Variants in SYT7 observed in about 807,000 individuals in gnomAD.
SYT7 encodes synaptotagmin-7.
A neutral mutation model predicts 75.1 loss-of-function variants in SYT7; 29 were observed. The ratio of observed to expected loss-of-function variants is 0.39; its 90% CI spans 0.29 to 0.53. The LOEUF (loss-of-function observed/expected upper bound fraction) is 0.53, where lower values mean the gene tolerates loss of function less well. SYT7 is among the 20% of genes least tolerant of loss of function. SYT7 has a pLI of 0.77. For missense variants in SYT7, 693 were observed against 953.2 expected, an observed-to-expected ratio of 0.73 and a Z score of 3.59; for synonymous variants, 376 against 401.7, an observed-to-expected ratio of 0.94 and a Z score of 0.76.
At chr11:61,530,856 T>A (rs2062683481) in intron 8 of SYT7, 3 of 985,368 alleles carry the variant, frequency 3.0e-6, no homozygotes, top group Non-Finnish European at 3.6e-6. Flanking sequence ...GACAGAGCCA[T>A]CTCTGTGGCA....
In SYT7 at chr11:61,523,174, G is replaced by C. The variant is rs1445666904; in HGVS notation, c.1857C>G (p.Ser619=). 2.5e-6 allele frequency: 4 copies of C among 1,614,060 alleles called. No individual in the cohort carries two copies. In the African/African-American group the frequency reaches 5.3e-5, roughly 22 times the overall value. ...KRNLNPIFNE[S]FAFDIPTEKL... Reference sequence around the variant, plus strand: ...TCTCCGTGGGGATATCGAAGGCGAAGGACTCATTGAAGATGGGGTTCAGGT... The same window carrying C: ...TCTCCGTGGGGATATCGAAGGCGAACGACTCATTGAAGATGGGGTTCAGGT... Residue 619 remains serine (S), a synonymous_variant, in exon 12 of 13, where the codon TCC becomes TCG. Transcript: ENST00000539008. This position sits in a 1 kb window ranked among gnomAD's most constrained non-coding sequence, Gnocchi z 5.0.
At chr11:61,533,239 G>T in intron 7 of SYT7, 115 bp from the exon 8 acceptor site, 1 of 1,460,544 alleles carries the variant, frequency 6.8e-7, no homozygotes, top group Non-Finnish European at 9.0e-7. Flanking sequence ...CATGCCCGGC[G>T]GGCCGGCAGG....
chr11:61,517,966 C>A lies in SYT7; in HGVS notation c.*661G>T. 5.4e-6 allele frequency: 1 copy of A among 185,318 alleles called. No homozygotes were observed. The allele number at this position is 185,318 out of a possible 1,614,324, so 11.5% of individuals were successfully genotyped here. On this transcript the variant is annotated 3_prime_UTR_variant, in exon 13 of 13. Transcript: ENST00000539008. ...ACTCAGCCCTATGGGCCTCTCCTCT[C>A]ACACCCCCGGCCTCCAACCCTGCCT...
intron 6 of SYT7, chr11:61,540,414 AG>A: frequency 1.4e-6 from 1 of 734,998 alleles, no homozygotes; most frequent in Non-Finnish European, 1.7e-6. Context: ...ACATTTTTAG[AG>A]GGTTGTTTTA....
At position 61,551,021 on chromosome 11, in the gene SYT7, G is replaced by A. The variant is rs1292341669; in HGVS notation, c.215+363C>T. ...AGGGGCCTCCCCGGCCTAGCAGCAG[G>A]GGCCCCATGAGAGGGGCTTGGAGGT... On this transcript the variant is annotated intron_variant, in intron 3 of 12. Transcript: ENST00000539008. The surrounding 1 kb of genome is among the most constrained non-coding windows in gnomAD (Gnocchi z 5.3). 6.6e-6 allele frequency among the ~76,000 whole-genome samples: 1 copy of A among 152,204 alleles called. No homozygotes were observed. The highest frequency in any genetic ancestry group is 1.5e-5 in the Non-Finnish European group (1 of 68,032).
chr11:61,551,976 T>TG lies in SYT7; in HGVS notation c.136-514dup, dbSNP rs1173155392. On this transcript the variant is annotated intron_variant, in intron 2 of 12. Transcript: ENST00000539008. The surrounding 1 kb of genome is among the most constrained non-coding windows in gnomAD (Gnocchi z 5.3). ...TGTCCACCACTGTCTGGGGGTTCTC[T>TG]GGGGGGTCCTTGTGCCCTGGGGCTG... Among the ~76,000 whole-genome samples, 1 of 152,046 alleles carries TG rather than the reference T, an allele frequency of 6.6e-6. No individual in the cohort carries two copies. Among genetic ancestry groups the TG allele is most frequent in the African/African-American group, 2.4e-5 (1 of 41,394 alleles).
At chr11:61,552,769 C>T (rs2063389788) in intron 2 of SYT7, among the ~76,000 whole-genome samples, 1 of 152,330 alleles carries the variant, frequency 6.6e-6, no homozygotes, top group Non-Finnish European at 1.5e-5. Flanking sequence ...TCCAGCAATG[C>T]TGCATGTTCC....
In SYT7 at chr11:61,524,472, C is replaced by A; in HGVS notation, c.1532G>T (p.Arg511Leu). Residue 511 changes from arginine to leucine, a missense_variant, in exon 10 of 13, where the codon CGC (arginine) becomes CTC (leucine). Transcript: ENST00000539008. This position sits in a 1 kb window ranked among gnomAD's most constrained non-coding sequence, Gnocchi z 4.1. ...CCCAATGGGGTCGTTGCGGCTGAAG[C>A]GGTCATAGTCCAGGACTTGGAGGTA... ...ILYLQVLDYD[R>L]FSRNDPIGEV... 1 of 1,612,898 alleles carries A rather than the reference C, an allele frequency of 6.2e-7. No homozygotes were observed. The highest frequency in any genetic ancestry group is 8.5e-7 in the Non-Finnish European group (1 of 1,179,406).
upstream of SYT7, among the ~76,000 whole-genome samples, chr11:61,585,835 T>C (rs2135497760): frequency 6.6e-6 from 1 of 152,244 alleles, no homozygotes; most frequent in Admixed American, 6.5e-5. Flanking sequence ...AGACTCGAAC[T>C]CGGGTCCTAC....
chr11:61,584,139 C>T (rs911460033), upstream of SYT7, among the ~76,000 whole-genome samples: 4 of 152,074 alleles, frequency 2.6e-5, no homozygotes, highest in East Asian at 7.7e-4. Context: ...CCTGTAATCC[C>T]AGCACTTTGG....
intron 8 of SYT7, among the ~76,000 whole-genome samples, chr11:61,532,104 G>A (rs530012449): frequency 2.0e-5 from 3 of 152,212 alleles, no homozygotes; most frequent in Non-Finnish European, 2.9e-5. Context: ...AGGGCAGTAG[G>A]GGAGGGCTGG....
At position 61,576,435 on chromosome 11, in the gene SYT7, C is replaced by A. The variant is rs1026034565; in HGVS notation, c.31+4355G>T. On this transcript the variant is annotated intron_variant, in intron 1 of 12. Coordinates refer to ENST00000539008, the MANE Select transcript of SYT7 (RefSeq NM_001365809.2). The surrounding 1 kb of genome is among the most constrained non-coding windows in gnomAD (Gnocchi z 4.1). ...TCGGCCACATATGCCACCTGCCGGGCACTGTCTGTGGAGCAGAGGACCAGC... is the reference window on the plus strand; with the variant it reads ...TCGGCCACATATGCCACCTGCCGGGAACTGTCTGTGGAGCAGAGGACCAGC... 2.6e-5 allele frequency among the ~76,000 whole-genome samples: 4 copies of A among 152,212 alleles called. No individual in the cohort carries two copies. Among genetic ancestry groups the A allele is most frequent in the African/African-American group, 9.6e-5 (4 of 41,452 alleles).
In SYT7 at chr11:61,546,554, C is replaced by T; in HGVS notation, c.348-299G>A. 2.1e-6 allele frequency: 1 copy of T among 484,072 alleles called. No homozygotes were observed. Among genetic ancestry groups the T allele is most frequent in the Non-Finnish European group, 3.9e-6 (1 of 254,738 alleles). 30.0% of individuals were successfully genotyped at this position (484,072 alleles called of 1,614,324 possible). A position where few individuals can be genotyped will look rare whatever the true frequency, so the allele number is the denominator to read the frequency against. On this transcript the variant is annotated intron_variant, in intron 4 of 12. Coordinates refer to ENST00000539008, the MANE Select transcript of SYT7 (RefSeq NM_001365809.2). This position sits in a 1 kb window ranked among gnomAD's most constrained non-coding sequence, Gnocchi z 7.6. Reference sequence around the variant, plus strand: ...ACGCACCACGACAACGGAGGGGGGGCCCCTCCCCACCGCCTGGGGCAGGGG... The same window carrying T: ...ACGCACCACGACAACGGAGGGGGGGTCCCTCCCCACCGCCTGGGGCAGGGG...
intron 1 of SYT7, among the ~76,000 whole-genome samples, chr11:61,565,790 T>C (rs2063750684): frequency 6.6e-6 from 1 of 152,202 alleles, no homozygotes; most frequent in Non-Finnish European, 1.5e-5. Flanking sequence ...CCAAGGGGAA[T>C]TGTTTTGGAA....
chr11:61,555,427 G>A lies in SYT7; in HGVS notation c.135+677C>T, dbSNP rs529132808. 1.9e-3 allele frequency among the ~76,000 whole-genome samples: 297 copies of A among 152,352 alleles called. 1 individual carries two copies. The highest frequency in any genetic ancestry group is 6.9e-3 in the African/African-American group (287 of 41,592). On this transcript the variant is annotated intron_variant, in intron 2 of 12. Coordinates refer to ENST00000539008, the MANE Select transcript of SYT7 (RefSeq NM_001365809.2). ...GGGAGCTGTGGGCTGCGGGCTGGGC[G>A]GGGCGGCGCGATGCGGGGCGGGCGG...
In SYT7 at chr11:61,552,750, G is replaced by C. The variant is rs1006456102; in HGVS notation, c.136-1287C>G. 4.6e-5 allele frequency among the ~76,000 whole-genome samples: 7 copies of C among 152,272 alleles called. No homozygotes were observed. The South Asian group carries it at 1.0e-3, about 23-fold the overall frequency. ...GTGCCCTACACCTCAGGGTTGCCTG[G>C]GGCTTGGCTCCAGCAATGCTGCATG... On this transcript the variant is annotated intron_variant, in intron 2 of 12. Transcript: ENST00000539008.
chr11:61,581,729 C>T (rs1384907678), upstream of SYT7, among the ~76,000 whole-genome samples: 1 of 152,222 alleles, frequency 6.6e-6, no homozygotes, highest in Admixed American at 6.5e-5. Context: ...CCTAACCCAG[C>T]CCCACGAAAG....
At chr11:61,557,165 T>G (rs78066330) in intron 1 of SYT7, among the ~76,000 whole-genome samples, 13,418 of 152,204 alleles carry the variant, frequency 0.088, 1,443 homozygotes, top group African/African-American at 0.26. Flanking sequence ...CAAATGTAAG[T>G]AAGGCAAAAA....
At position 61,524,873 on chromosome 11, in the gene SYT7, G is replaced by T. The variant is rs2062462469; in HGVS notation, c.1472-341C>A. The stretch of plus-strand genomic sequence containing the variant: ...CCATGCACCTTGTGTCCATCTCAGT[G>T]GCTGAGCAGCCTCTGCCAATCGTCC... On this transcript the variant is annotated intron_variant, in intron 9 of 12. Coordinates refer to ENST00000539008, the MANE Select transcript of SYT7 (RefSeq NM_001365809.2). This position sits in a 1 kb window ranked among gnomAD's most constrained non-coding sequence, Gnocchi z 4.1. 1 of 186,488 alleles carries T rather than the reference G, an allele frequency of 5.4e-6. No homozygotes were observed. The highest frequency in any genetic ancestry group is 1.1e-5 in the Non-Finnish European group (1 of 89,152). The allele number at this position is 186,488 out of a possible 1,614,324, so 11.6% of individuals were successfully genotyped here.
Sources: allele counts gnomAD v4.1 joint callset (sites outside exome capture counted in the v4.1 genomes callset), GRCh38; gene constraint gnomAD v4.1.1; non-coding constraint Gnocchi (gnomAD v3.1); transcripts MANE v1.5; gene names NCBI Gene and HGNC (gene_info 2026-07-23, HGNC 2026-07-21).